IQCE: variants seen among roughly 807,000 people sequenced by gnomAD.
The protein encoded by IQCE is IQ motif containing E.
A neutral mutation model predicts 96.0 loss-of-function variants in IQCE; 115 were observed. That is an observed-to-expected ratio of 1.20 (90% CI 1.03 to 1.40). IQCE has a LOEUF of 1.40. Among genes scored for constraint, IQCE ranks in the 40% most tolerant of loss-of-function variants. The pLI, the probability that IQCE is intolerant of heterozygous loss-of-function variation, is 0.00. For missense variants in IQCE, 1,041 were observed against 909.1 expected (o/e 1.15, Z -1.87); for synonymous variants, 412 against 371.2 (o/e 1.11, Z -1.26).
rs111896114 is a variant in IQCE, at chr7:2,603,512, T to C, written c.1633-1369T>C. 4.5e-3 allele frequency among the ~76,000 whole-genome samples: 689 copies of C among 152,268 alleles called. 1 individual carries two copies. The highest frequency in any genetic ancestry group is 0.016 in the African/African-American group (678 of 41,564). On this transcript the variant is annotated intron_variant, in intron 18 of 21. Coordinates refer to ENST00000402050, the MANE Select transcript of IQCE (RefSeq NM_152558.5). Reference sequence around the variant, plus strand: ...CCCCCCATGCCTCAGGGGCCTCGTCTCTAAGTAAAGACAGCAGTGAGGCTG... The same window carrying C: ...CCCCCCATGCCTCAGGGGCCTCGTCCCTAAGTAAAGACAGCAGTGAGGCTG...
intron 17 of IQCE, among the ~76,000 whole-genome samples, chr7:2,599,456 A>G (rs747420076): frequency 1.1e-4 from 16 of 152,108 alleles, no homozygotes; most frequent in Non-Finnish European, 1.9e-4. Flanking sequence ...TTGGCTTCCC[A>G]AAGTGCCAGG....
chr7:2,586,426 AGGGCATGGCCACT>A lies in IQCE; in HGVS notation c.988+59_988+71del, dbSNP rs1358442478. ...AGGCCAGGGAATGGCAGGGAATGGC[AGGGCATGGCCACT>A]GGGTAGGCCCAACTGAGGACAGGCA... is the stretch of plus-strand genomic sequence containing the variant. On this transcript the variant is annotated intron_variant, in intron 12 of 21. Transcript: ENST00000402050. 38 of 844,834 alleles carry A rather than the reference AGGGCATGGCCACT, an allele frequency of 4.5e-5. No individual in the cohort carries two copies. The East Asian group carries it at 1.0e-3, about 23-fold the overall frequency. 52.3% of individuals were successfully genotyped at this position (844,834 alleles called of 1,614,324 possible).
intron 21 of IQCE, among the ~76,000 whole-genome samples, chr7:2,607,730 G>A (rs1373313408): frequency 1.3e-5 from 2 of 152,154 alleles, no homozygotes; most frequent in Admixed American, 6.5e-5. Flanking sequence ...AGTAGAGAAC[G>A]GGCTAGACAG....
At chr7:2,599,662 A>G (rs1428489804) in intron 17 of IQCE, among the ~76,000 whole-genome samples, 1 of 151,026 alleles carries the variant, frequency 6.6e-6, no homozygotes, top group African/African-American at 2.4e-5. Context: ...ACACCTGGCC[A>G]ATTTTTGTAG....
At position 2,611,139 on chromosome 7, in the gene IQCE, T is replaced by C. The variant is rs10224936; in HGVS notation, c.*977T>C. The C allele has an allele frequency of 0.15, 20,291 of 137,276 alleles. 1,957 individuals are homozygous for C. Among genetic ancestry groups the C allele is most frequent in the East Asian group, 0.44 (2,231 of 5,058 alleles). 8.5% of individuals were successfully genotyped at this position (137,276 alleles called of 1,614,324 possible). A position where few individuals can be genotyped will look rare whatever the true frequency, so the allele number is the denominator to read the frequency against. ...TGGGCTGGGCTGGGCTGGGCTGGGC[T>C]GGGCCGGGCGTGCGGAGCCTGTGGA... On this transcript the variant is annotated 3_prime_UTR_variant, in exon 22 of 22. Transcript: ENST00000402050.
chr7:2,575,887 A>G (rs1445859817), intron 6 of IQCE, among the ~76,000 whole-genome samples: 1 of 151,962 alleles, frequency 6.6e-6, no homozygotes, highest in African/African-American at 2.4e-5. Context: ...CCACCTTTCC[A>G]GTCTTAGGTT....
intron 2 of IQCE, among the ~76,000 whole-genome samples, chr7:2,567,511 G>A (rs776596869): frequency 5.3e-5 from 8 of 152,210 alleles, no homozygotes; most frequent in Non-Finnish European, 1.2e-4. Flanking sequence ...GACCCGATGG[G>A]AGAAAGCAGA....
chr7:2,606,538 C>T (rs956361514), intron 20 of IQCE, among the ~76,000 whole-genome samples: 15 of 152,252 alleles, frequency 9.9e-5, no homozygotes, highest in Middle Eastern at 3.4e-3. Flanking sequence ...GGCCCCGCTC[C>T]GTCACCCCCG....
intron 12 of IQCE, 148 bp downstream of exon 12, chr7:2,586,519 C>T: frequency 8.3e-6 from 7 of 843,530 alleles, no homozygotes; most frequent in Middle Eastern, 3.7e-4. Flanking sequence ...TGTGCCAGCA[C>T]CTGCCGCGGG....
At chr7:2,577,869 G>A (rs1360576189) in intron 6 of IQCE, among the ~76,000 whole-genome samples, 9 of 139,060 alleles carry the variant, frequency 6.5e-5, no homozygotes, top group Admixed American at 4.3e-4. Context: ...CTGTGCGCGC[G>A]GGGACGTGTG....
rs953974969 is a variant in IQCE, at chr7:2,589,779, C to T, written c.1045-128C>T. On this transcript the variant is annotated intron_variant, in intron 13 of 21. Coordinates refer to ENST00000402050, the MANE Select transcript of IQCE (RefSeq NM_152558.5). ...GCAGCTTCTCTGGGTAACTCGGGTC[C>T]CCTCAAAGCTTTCTCATGGCCCTGC... 2.7e-5 allele frequency: 22 copies of T among 814,610 alleles called. No individual in the cohort carries two copies. The Admixed American group carries it at 4.7e-4, about 17-fold the overall frequency. 50.5% of individuals were successfully genotyped at this position (814,610 alleles called of 1,614,324 possible).
chr7:2,565,216 G>A (rs1225884360), intron 1 of IQCE, among the ~76,000 whole-genome samples: 1 of 149,024 alleles, frequency 6.7e-6, no homozygotes, highest in Non-Finnish European at 1.5e-5. Flanking sequence ...TGTGATTTTA[G>A]GTGCGTGCAT....
At chr7:2,601,107 C>T (rs909417902) in intron 17 of IQCE, among the ~76,000 whole-genome samples, 10 of 152,236 alleles carry the variant, frequency 6.6e-5, no homozygotes, top group Admixed American at 3.3e-4. Context: ...ATTGGGCCCA[C>T]ATCCACCTCC....
Position 2,610,262 on chromosome 7 carries a change from A to T in IQCE, c.*100A>T, listed in dbSNP as rs545287479. 2.6e-6 allele frequency: 2 copies of T among 763,056 alleles called. No homozygotes were observed. The highest frequency in any genetic ancestry group is 4.7e-6 in the Non-Finnish European group (2 of 423,796). The allele number at this position is 763,056 out of a possible 1,614,324, so 47.3% of individuals were successfully genotyped here. On this transcript the variant is annotated 3_prime_UTR_variant, in exon 22 of 22. Transcript: ENST00000402050. ...ATCGTGTTAGGAGAAGAACGATGAT[A>T]CCTACTTAACACCTCAGCATCTGCG...
chr7:2,571,286 T>C (rs1008496148), intron 3 of IQCE: 1 of 442,698 alleles, frequency 2.3e-6, no homozygotes, highest in Non-Finnish European at 4.1e-6. Flanking sequence ...CCCAAGGTAT[T>C]GGTATTATAG....
At chr7:2,581,078 T>G (rs894979988) in intron 8 of IQCE, among the ~76,000 whole-genome samples, 1 of 151,708 alleles carries the variant, frequency 6.6e-6, no homozygotes, top group Non-Finnish European at 1.5e-5. Flanking sequence ...CTCCTGACCT[T>G]GTGATCTGCC....
chr7:2,582,887 G>C (rs905820060), intron 9 of IQCE, among the ~76,000 whole-genome samples: 3 of 152,096 alleles, frequency 2.0e-5, no homozygotes, highest in African/African-American at 7.2e-5. Context: ...CTTGTTCTGT[G>C]GACCCCTGTA....
intron 8 of IQCE, among the ~76,000 whole-genome samples, chr7:2,579,887 G>GACTACAGGCACGTGCC (rs146186891): frequency 0.034 from 5,216 of 151,896 alleles, 339 homozygotes; most frequent in East Asian, 0.29. Context: ...GAGTACCCGG[G>GACTACAGGCACGTGCC]ACTACAGGCA....
intron 13 of IQCE, among the ~76,000 whole-genome samples, chr7:2,588,362 TC>T (rs1318779472): frequency 6.6e-6 from 1 of 151,936 alleles, no homozygotes; most frequent in East Asian, 1.9e-4. Flanking sequence ...GTTTTTTTTT[TC>T]TTTTTTTTTG....
Sources: gnomAD v4.1 joint callset for allele counts (sites outside exome capture counted in the v4.1 genomes callset) on GRCh38, gnomAD v4.1.1 for gene constraint, MANE v1.5 for transcripts, NCBI Gene and HGNC (gene_info 2026-07-23, HGNC 2026-07-21) for gene names.